ZNF333: variants seen among roughly 807,000 people sequenced by gnomAD.
ZNF333 encodes zinc finger protein 333.
Under a neutral mutation model 76.1 loss-of-function variants are expected in ZNF333, and 61 were observed. The observed-to-expected ratio is 0.80, with a 90% CI of 0.65 to 0.99. ZNF333 has a LOEUF of 0.99. ZNF333 is among the 50% of genes least tolerant of loss of function. The pLI is 0.00. For missense variants in ZNF333, 717 were observed against 822.4 expected (o/e 0.87, Z 1.57); for synonymous variants, 284 against 305.0 (o/e 0.93, Z 0.72).
At chr19:14,728,437 T>G (rs1054869844) in intron 11 of ZNF333, among the ~76,000 whole-genome samples, 1 of 152,244 alleles carries the variant, frequency 6.6e-6, no homozygotes, top group Non-Finnish European at 1.5e-5. Context: ...AGGTCTCTTC[T>G]GTAGCTTCAT....
Position 14,705,116 on chromosome 19 carries a change from G to T in ZNF333, c.369G>T (p.Leu123Phe). Reference protein sequence around the residue: ...VPSIEERETPLTREDRPALQE... With the variant: ...VPSIEERETPFTREDRPALQE... ...CCATAGAAGAGAGGGAGACACCATT[G>T]ACTCGAGAGGACCGGCCAGCTCTCC... Residue 123 changes from leucine (L) to phenylalanine (F), a missense_variant, in exon 6 of 12, where the codon TTG (leucine) becomes TTT (phenylalanine). Coordinates refer to ENST00000292530, the MANE Select transcript of ZNF333 (RefSeq NM_032433.4). The T allele has an allele frequency of 6.2e-7, 1 of 1,613,954 alleles. No homozygotes were observed. The highest frequency in any genetic ancestry group is 1.1e-5 in the South Asian group (1 of 91,040).
In ZNF333 at chr19:14,715,444, C is replaced by T. The variant is rs202194661; in HGVS notation, c.574C>T (p.Pro192Ser). 79 of 1,613,930 alleles carry T rather than the reference C, an allele frequency of 4.9e-5. No individual in the cohort carries two copies. The East Asian group carries it at 1.7e-3, about 35-fold the overall frequency. ...EDKVEEEAMA[P>S]GLPTACSQEP... ...CAAAGTGGAGGAAGAAGCTATGGCTCCTGGGCTGCCAACCGCCTGTTCACA... is the reference window on the plus strand; with the variant it reads ...CAAAGTGGAGGAAGAAGCTATGGCTTCTGGGCTGCCAACCGCCTGTTCACA... The change falls in exon 8 of 12, where the codon CCT (proline) becomes TCT (serine). Residue 192 changes from proline (P) to serine (S), a missense_variant. Physicochemically the swap from Pro to Ser is moderately conservative, Grantham distance 74. Coordinates refer to ENST00000292530, the MANE Select transcript of ZNF333 (RefSeq NM_032433.4).
chr19:14,697,263 C>T (rs925803625), intron 4 of ZNF333, among the ~76,000 whole-genome samples: 1 of 151,526 alleles, frequency 6.6e-6, no homozygotes, highest in Non-Finnish European at 1.5e-5. Context: ...ATTATTTGTT[C>T]ATCAGTTGAT....
chr19:14,718,164 CAT>C, intron 11 of ZNF333, 62 bp from the exon 12 acceptor site: 2 of 1,536,894 alleles, frequency 1.3e-6, no homozygotes, highest in Non-Finnish European at 1.7e-6. Context: ...ATTCATTTCA[CAT>C]AGGGGAGAAT....
chr19:14,716,920 A>T, intron 9 of ZNF333, 74 bp from the exon 10 acceptor site: 3 of 1,384,562 alleles, frequency 2.2e-6, no homozygotes. Context: ...GCCCCTAAAG[A>T]CTTGAGAATA....
At chr19:14,727,135 C>A (rs912792327) in intron 11 of ZNF333, among the ~76,000 whole-genome samples, 2 of 144,650 alleles carry the variant, frequency 1.4e-5, no homozygotes, top group African/African-American at 5.1e-5. Flanking sequence ...TCACACCATT[C>A]TCTCACTTCA....
At chr19:14,694,522 A>G (rs1487276776) in intron 2 of ZNF333, among the ~76,000 whole-genome samples, 1 of 152,134 alleles carries the variant, frequency 6.6e-6, no homozygotes, top group Non-Finnish European at 1.5e-5. Flanking sequence ...TGGAAGTCCT[A>G]CTTTCACAAG....
At chr19:14,716,574 C>T (rs943067852) in intron 9 of ZNF333, among the ~76,000 whole-genome samples, 3 of 152,086 alleles carry the variant, frequency 2.0e-5, no homozygotes, top group Non-Finnish European at 4.4e-5. Flanking sequence ...TTTGCCTTTT[C>T]ATCACATTTA....
chr19:14,707,616 A>G (rs913109184), intron 7 of ZNF333, among the ~76,000 whole-genome samples: 1 of 128,970 alleles, frequency 7.8e-6, no homozygotes, highest in African/African-American at 3.1e-5. Flanking sequence ...CAGTGGCACT[A>G]TCCCGGCTCA....
At position 14,719,055 on chromosome 19, in the gene ZNF333, C is replaced by T. The variant is rs139976466; in HGVS notation, c.1728C>T (p.Ser576=). The part of the protein sequence containing the change: ...ECGRAFSEPS[S]LRKHARTHSG... ...GGCGAGCCTTCAGTGAGCCCTCATC[C>T]CTCAGGAAACATGCAAGGACTCACA... is the stretch of plus-strand genomic sequence containing the variant. The change falls in exon 12 of 12, where the codon TCC becomes TCT. Residue 576 remains serine (S), a synonymous_variant. Coordinates refer to ENST00000292530, the MANE Select transcript of ZNF333 (RefSeq NM_032433.4). 5.7e-4 allele frequency: 916 copies of T among 1,614,110 alleles called. 17 individuals carry two copies. The East Asian group carries it at 0.02, about 35-fold the overall frequency.
rs190175208 is a variant in ZNF333, at chr19:14,705,735, G to A, written c.423+565G>A. On this transcript the variant is annotated intron_variant, in intron 6 of 11. Coordinates refer to ENST00000292530, the MANE Select transcript of ZNF333 (RefSeq NM_032433.4). ...CCATGCCTGAGCTCCGCCTCCTGTC[G>A]GATCAGCAGCAGCTGATCCTATTGT... 8.3e-4 allele frequency among the ~76,000 whole-genome samples: 126 copies of A among 152,318 alleles called. 4 individuals carry two copies. In the Middle Eastern group the frequency reaches 0.01, roughly 12 times the overall value.
chr19:14,704,333 G>A (rs891332022), intron 5 of ZNF333, among the ~76,000 whole-genome samples: 9 of 152,098 alleles, frequency 5.9e-5, no homozygotes, highest in African/African-American at 2.2e-4. Context: ...CGTCCAGGCT[G>A]GAGTGCAGTG....
chr19:14,694,483 G>GA (rs5827252), intron 2 of ZNF333, among the ~76,000 whole-genome samples: 1 of 149,268 alleles, frequency 6.7e-6, no homozygotes, highest in Non-Finnish European at 1.5e-5. Flanking sequence ...AAAAAAAAAA[G>GA]AAAAAAAGAA....
At position 14,719,291 on chromosome 19, in the gene ZNF333, T is replaced by C. The variant is rs747997195; in HGVS notation, c.1964T>C (p.Met655Thr). Residue 655 changes from methionine (M) to threonine (T), a missense_variant, in exon 12 of 12, where the codon ATG (methionine) becomes ACG (threonine). Coordinates refer to ENST00000292530, the MANE Select transcript of ZNF333 (RefSeq NM_032433.4). ...TIRNGSLPLS[M>T]SHPYCGPLAN The stretch of plus-strand genomic sequence containing the variant: ...AGGAATGGCAGCCTGCCTTTATCCA[T>C]GTCTCATCCATACTGTGGGCCCCTT... The C allele has an allele frequency of 2.5e-6, 4 of 1,613,860 alleles. No homozygotes were observed. The highest frequency in any genetic ancestry group is 2.5e-6 in the Non-Finnish European group (3 of 1,179,904).
In ZNF333 at chr19:14,695,090, C is replaced by G. The variant is rs1254052532; in HGVS notation, c.84C>G (p.Cys28Trp). ...ALLDSARRSLCKYRMLDQCRT... is the reference protein window; with the variant it reads ...ALLDSARRSLWKYRMLDQCRT... ...TGGACAGCGCACGGAGGAGCCTGTG[C>G]AAATACAGGATGCTTGACCAGTGCA... Residue 28 changes from cysteine (C) to tryptophan (W), a missense_variant, in exon 3 of 12, where the codon TGC (cysteine) becomes TGG (tryptophan). Coordinates refer to ENST00000292530, the MANE Select transcript of ZNF333 (RefSeq NM_032433.4). 6.2e-6 allele frequency: 10 copies of G among 1,613,962 alleles called. No individual in the cohort carries two copies. In the South Asian group the frequency reaches 7.7e-5, roughly 12 times the overall value.
At chr19:14,700,189 C>CT (rs5827253) in intron 5 of ZNF333, 47 of 147,886 alleles carry the variant, frequency 3.2e-4, no homozygotes, top group African/African-American at 5.0e-4. Flanking sequence ...CTTTTTCTTT[C>CT]TTTTTTTTTT....
At chr19:14,691,539 A>C (rs954205155) in intron 1 of ZNF333, among the ~76,000 whole-genome samples, 9 of 152,108 alleles carry the variant, frequency 5.9e-5, no homozygotes, top group Non-Finnish European at 8.8e-5. Context: ...TCCACAAAGA[A>C]TATATGCGCT....
rs1209274195 is a variant in ZNF333 at position 14,716,993 on chromosome 19, G to A, written c.728-1G>A. 3.1e-6 allele frequency: 5 copies of A among 1,610,128 alleles called. No homozygotes were observed. Among genetic ancestry groups the A allele is most frequent in the Admixed American group, 1.7e-5 (1 of 59,678 alleles). On this transcript the variant is annotated splice_acceptor_variant, in intron 9 of 11. Coordinates refer to ENST00000292530, the MANE Select transcript of ZNF333 (RefSeq NM_032433.4). LOFTEE classifies it high-confidence loss of function. Reference sequence around the variant, plus strand: ...AACATGTGTTTTTTTCTCATGAGCAGCTGATCAACTGTGCAAACCCAATGC... The same window carrying A: ...AACATGTGTTTTTTTCTCATGAGCAACTGATCAACTGTGCAAACCCAATGC...
chr19:14,698,931 T>TAG (rs1187342140), intron 4 of ZNF333, among the ~76,000 whole-genome samples: 1 of 140,256 alleles, frequency 7.1e-6, no homozygotes, highest in African/African-American at 2.7e-5. Flanking sequence ...TATATATATA[T>TAG]ATATACACAC....
Sources: allele counts gnomAD v4.1 joint callset (sites outside exome capture counted in the v4.1 genomes callset), GRCh38; gene constraint gnomAD v4.1.1; transcripts MANE v1.5; gene names NCBI Gene and HGNC (gene_info 2026-07-23, HGNC 2026-07-21).